GHR: variants seen among roughly 807,000 people sequenced by gnomAD.
GHR encodes the protein growth hormone receptor, also known as GH receptor.
In GHR, 35 loss-of-function variants were observed where a neutral mutation model predicts 67.1. The ratio of observed to expected loss-of-function variants is 0.52; its 90% CI spans 0.40 to 0.69. The LOEUF (loss-of-function observed/expected upper bound fraction) is 0.69. Among genes scored for constraint, GHR ranks in the 30% least tolerant of loss-of-function variants. The pLI is 0.00. For synonymous variants in GHR, 272 were observed against 269.1 expected, an observed-to-expected ratio of 1.01 and a Z score of -0.10; for missense variants, 792 against 764.6, an observed-to-expected ratio of 1.04 and a Z score of -0.42.
Position 42,699,841 on chromosome 5 carries a change from A to G in GHR, c.457A>G (p.Ile153Val), listed in dbSNP as rs1164944711. The G allele has an allele frequency of 6.2e-7, 1 of 1,610,300 alleles. No individual in the cohort carries two copies. Among genetic ancestry groups the G allele is most frequent in the Non-Finnish European group, 8.5e-7 (1 of 1,176,580 alleles). Residue 153 changes from isoleucine (I) to valine (V), a missense_variant, in exon 6 of 10, where the codon ATT (isoleucine) becomes GTT (valine). Ile to Val is a conservative substitution (Grantham distance 29). Coordinates refer to ENST00000230882, the MANE Select transcript of GHR (RefSeq NM_000163.5). Reference protein sequence around the residue: ...VDEIVQPDPPIALNWTLLNVS... With the variant: ...VDEIVQPDPPVALNWTLLNVS... Reference sequence around the variant, plus strand: ...TTGCACAGTGCAACCAGATCCACCCATTGCCCTCAACTGGACTTTACTGAA... The same window carrying G: ...TTGCACAGTGCAACCAGATCCACCCGTTGCCCTCAACTGGACTTTACTGAA...
At chr5:42,531,776 A>G (rs961789821) in intron 1 of GHR, among the ~76,000 whole-genome samples, 3 of 152,152 alleles carry the variant, frequency 2.0e-5, no homozygotes, top group Admixed American at 6.6e-5. Flanking sequence ...CAATGAAACA[A>G]CCCATTCATT....
intron 1 of GHR, among the ~76,000 whole-genome samples, chr5:42,528,990 A>G (rs1476901373): frequency 1.3e-5 from 2 of 151,256 alleles, no homozygotes; most frequent in Admixed American, 6.6e-5. Context: ...CACTTACTAG[A>G]CTACAACAGA....
chr5:42,506,768 G>A (rs1024593564), intron 1 of GHR, among the ~76,000 whole-genome samples: 1 of 152,130 alleles, frequency 6.6e-6, no homozygotes, highest in Non-Finnish European at 1.5e-5. Flanking sequence ...TATATTCCCT[G>A]TAGAAATCTT....
At chr5:42,627,428 G>A (rs1457781302) in intron 2 of GHR, among the ~76,000 whole-genome samples, 1 of 152,172 alleles carries the variant, frequency 6.6e-6, no homozygotes, top group African/African-American at 2.4e-5. Context: ...TTTTTAAAAG[G>A]GGGATTATTA....
chr5:42,608,160 G>T lies in GHR; in HGVS notation c.71-20878G>T, dbSNP rs180881967. Among the ~76,000 whole-genome samples, 360 of 152,212 alleles carry T rather than the reference G, an allele frequency of 2.4e-3. 3 individuals are homozygous for T. The highest frequency in any genetic ancestry group is 8.1e-3 in the African/African-American group (338 of 41,518). The stretch of plus-strand genomic sequence containing the variant: ...AGTAGAGCCTTATCTATCTGACCAG[G>T]TTATTATGCTATTAAGTTATATAAG... On this transcript the variant is annotated intron_variant, in intron 2 of 9. Transcript: ENST00000230882.
intron 3 of GHR, among the ~76,000 whole-genome samples, chr5:42,629,511 G>A (rs72754957): frequency 0.019 from 2,454 of 131,564 alleles, 518 homozygotes; most frequent in Middle Eastern, 0.027. Context: ...CACCTGCTCC[G>A]CTTCACCATG....
intron 1 of GHR, among the ~76,000 whole-genome samples, chr5:42,482,899 T>G (rs1389790716): frequency 6.6e-6 from 1 of 152,216 alleles, no homozygotes; most frequent in African/African-American, 2.4e-5. Context: ...CTGCACCCAC[T>G]GTCTGGCACA....
chr5:42,569,025 T>C (rs551952975), intron 2 of GHR, among the ~76,000 whole-genome samples: 63 of 152,292 alleles, frequency 4.1e-4, no homozygotes, highest in African/African-American at 1.5e-3. Flanking sequence ...TTTATAGAAG[T>C]GATGATGACG....
chr5:42,554,330 G>A (rs757632314), intron 1 of GHR, among the ~76,000 whole-genome samples: 3 of 151,290 alleles, frequency 2.0e-5, no homozygotes, highest in Non-Finnish European at 2.9e-5. Context: ...ACAGACAGAA[G>A]TTCTGTCCTA....
At chr5:42,695,765 TAGAA>T (rs1277690290) in intron 5 of GHR, among the ~76,000 whole-genome samples, 4 of 152,224 alleles carry the variant, frequency 2.6e-5, no homozygotes, top group African/African-American at 7.2e-5. Context: ...AATAGCAAAA[TAGAA>T]AGAATCAAAG....
chr5:42,497,562 C>CCATACCCATT (rs1485728137), intron 1 of GHR, among the ~76,000 whole-genome samples: 2 of 152,284 alleles, frequency 1.3e-5, no homozygotes, highest in East Asian at 1.9e-4. Flanking sequence ...TGGAACACTG[C>CCATACCCATT]CATACCCATT....
At chr5:42,581,105 A>ACTTGG (rs1561141046) in intron 2 of GHR, among the ~76,000 whole-genome samples, 1 of 152,178 alleles carries the variant, frequency 6.6e-6, no homozygotes, top group Non-Finnish European at 1.5e-5. Flanking sequence ...CATAACTTGG[A>ACTTGG]CTTGGCCATC....
At chr5:42,591,888 G>T (rs1236203782) in intron 2 of GHR, among the ~76,000 whole-genome samples, 2 of 152,106 alleles carry the variant, frequency 1.3e-5, no homozygotes, top group African/African-American at 2.4e-5. Flanking sequence ...TCTCTCAGGG[G>T]TATGTGCATT....
chr5:42,607,385 C>A (rs1752679723), intron 2 of GHR, among the ~76,000 whole-genome samples: 2 of 152,164 alleles, frequency 1.3e-5, no homozygotes, highest in South Asian at 4.1e-4. Context: ...GGGTTTCCTT[C>A]CTGATTACAA....
intron 1 of GHR, chr5:42,550,067 T>C (rs1477176131): frequency 3.1e-6 from 3 of 970,552 alleles, no homozygotes; most frequent in African/African-American, 3.5e-5. Flanking sequence ...GTTTGTATTG[T>C]CTGCCTGATG....
intron 3 of GHR, among the ~76,000 whole-genome samples, chr5:42,687,863 G>C (rs998218872): frequency 6.6e-6 from 1 of 152,128 alleles, no homozygotes; most frequent in Non-Finnish European, 1.5e-5. Flanking sequence ...AAAAAGAAGA[G>C]AAATTTGAAA....
At chr5:42,581,879 A>AC (rs1751188718) in intron 2 of GHR, among the ~76,000 whole-genome samples, 1 of 151,724 alleles carries the variant, frequency 6.6e-6, no homozygotes, top group African/African-American at 2.4e-5. Context: ...CCCAGGAAGC[A>AC]CCCCCTGCTC....
chr5:42,591,739 C>T (rs1157062799), intron 2 of GHR, among the ~76,000 whole-genome samples: 1 of 152,150 alleles, frequency 6.6e-6, no homozygotes, highest in Non-Finnish European at 1.5e-5. Context: ...CCTCCTGCCC[C>T]TCCCAAAAGA....
At chr5:42,688,332 C>T (rs1183571578) in intron 3 of GHR, among the ~76,000 whole-genome samples, 1 of 152,210 alleles carries the variant, frequency 6.6e-6, no homozygotes. Flanking sequence ...CCTAGAAGTG[C>T]ATGGGGGTGA....
Sources: gnomAD v4.1 joint callset for allele counts (sites outside exome capture counted in the v4.1 genomes callset) on GRCh38, gnomAD v4.1.1 for gene constraint, MANE v1.5 for transcripts, NCBI Gene and HGNC (gene_info 2026-07-23, HGNC 2026-07-21) for gene names.